LIMCH1: variants seen among roughly 807,000 people sequenced by gnomAD.
The protein encoded by LIMCH1 is LIM and calponin homology domains 1.
A neutral mutation model predicts 176.5 loss-of-function variants in LIMCH1; 113 were observed. That is an observed-to-expected ratio of 0.64 (90% CI 0.55 to 0.75). The LOEUF (loss-of-function observed/expected upper bound fraction) is 0.75, where lower values mean the gene tolerates loss of function less well. Among genes scored for constraint, LIMCH1 ranks in the 30% least tolerant of loss-of-function variants. The pLI, the probability that LIMCH1 is intolerant of heterozygous loss-of-function variation, is 0.00. For missense variants in LIMCH1, 1,674 were observed against 1,814.9 expected, an observed-to-expected ratio of 0.92 and a Z score of 1.41; for synonymous variants, 619 against 645.9, an observed-to-expected ratio of 0.96 and a Z score of 0.63.
intron 2 of LIMCH1, among the ~76,000 whole-genome samples, chr4:41,508,972 A>C (rs1377941968): frequency 6.6e-6 from 1 of 152,212 alleles, no homozygotes; most frequent in Non-Finnish European, 1.5e-5. Context: ...GACCTTGTGT[A>C]ATATAAAGTA....
At chr4:41,641,840 C>T (rs2152914595) in intron 14 of LIMCH1, among the ~76,000 whole-genome samples, 1 of 152,300 alleles carries the variant, frequency 6.6e-6, no homozygotes, top group East Asian at 1.9e-4. Flanking sequence ...GGATGTTCAA[C>T]CATGTACTTC....
At chr4:41,471,985 C>G in intron 1 of LIMCH1, among the ~76,000 whole-genome samples, 1 of 152,106 alleles carries the variant, frequency 6.6e-6, no homozygotes, top group East Asian at 1.9e-4. Context: ...CTTTCCTTAA[C>G]TTTTCTGTAA....
intron 2 of LIMCH1, among the ~76,000 whole-genome samples, chr4:41,523,042 A>G (rs993954790): frequency 6.6e-6 from 1 of 152,164 alleles, no homozygotes; most frequent in African/African-American, 2.4e-5. Flanking sequence ...TTAATCTTGC[A>G]TGCAAAAATG....
At chr4:41,691,707 G>T (rs1015204084) in intron 30 of LIMCH1, among the ~76,000 whole-genome samples, 2 of 152,038 alleles carry the variant, frequency 1.3e-5, no homozygotes, top group Non-Finnish European at 2.9e-5. Flanking sequence ...AGGTTGCAGT[G>T]AGCTGAGATC....
At chr4:41,657,703 A>G (rs992661376) in intron 18 of LIMCH1, among the ~76,000 whole-genome samples, 13 of 152,198 alleles carry the variant, frequency 8.5e-5, no homozygotes, top group Admixed American at 6.5e-4. Context: ...ATACATTTAA[A>G]CTAAGCCTGA....
chr4:41,508,394 T>C (rs2074433310), intron 2 of LIMCH1, among the ~76,000 whole-genome samples: 1 of 152,022 alleles, frequency 6.6e-6, no homozygotes. Context: ...GAGGTCATGG[T>C]TTTAGTTTGG....
chr4:41,581,828 A>AAC (rs1458956768), intron 1 of LIMCH1, among the ~76,000 whole-genome samples: 2 of 150,468 alleles, frequency 1.3e-5, no homozygotes, highest in African/African-American at 4.9e-5. Flanking sequence ...AAAAAAAAAA[A>AAC]AACAACAGCA....
In LIMCH1 at chr4:41,366,995, A is replaced by G. The variant is rs184011511; in HGVS notation, c.96+6059A>G. On this transcript the variant is annotated intron_variant, in intron 1 of 26. Transcript: ENST00000313860. ...GCAAAGGGGAAGCAAGACAGGTCTC[A>G]TATGGTGGCAGGAGAGAGAGAGCAA... Among the ~76,000 whole-genome samples the G allele has an allele frequency of 2.6e-3, 395 of 152,328 alleles. 6 individuals are homozygous for G. Among genetic ancestry groups the G allele is most frequent in the African/African-American group, 8.0e-3 (333 of 41,574 alleles).
chr4:41,618,365 G>T lies in LIMCH1; in HGVS notation c.206-823G>T, dbSNP rs191458783. On this transcript the variant is annotated intron_variant, in intron 5 of 31. Transcript: ENST00000503057. ...CCAACAAATGGCTGATGTTGGGAATGCTGAATTCCTTTGTGTTGTTTAAAA... is the reference window on the plus strand; with the variant it reads ...CCAACAAATGGCTGATGTTGGGAATTCTGAATTCCTTTGTGTTGTTTAAAA... Among the ~76,000 whole-genome samples, 36 of 152,322 alleles carry T rather than the reference G, an allele frequency of 2.4e-4. No homozygotes were observed. In the East Asian group the frequency reaches 6.2e-3, roughly 26 times the overall value.
At chr4:41,407,167 G>T (rs1046530344) in intron 1 of LIMCH1, among the ~76,000 whole-genome samples, 1 of 151,634 alleles carries the variant, frequency 6.6e-6, no homozygotes, top group Non-Finnish European at 1.5e-5. Flanking sequence ...TTTGTTCTTG[G>T]GATATAGGTA....
intron 3 of LIMCH1, among the ~76,000 whole-genome samples, chr4:41,525,507 T>C (rs561548996): frequency 7.2e-5 from 11 of 152,298 alleles, no homozygotes; most frequent in Admixed American, 2.6e-4. Flanking sequence ...GGAAGGTACA[T>C]GGTTTCAGCA....
intron 1 of LIMCH1, among the ~76,000 whole-genome samples, chr4:41,422,778 T>C (rs2060726404): frequency 6.6e-6 from 1 of 152,072 alleles, no homozygotes; most frequent in African/African-American, 2.4e-5. Flanking sequence ...TTTTCTTTGA[T>C]AAAGGGTCTT....
chr4:41,627,161 G>A (rs1313952208), intron 8 of LIMCH1, among the ~76,000 whole-genome samples, 151 bp downstream of exon 8: 3 of 151,970 alleles, frequency 2.0e-5, no homozygotes, highest in Non-Finnish European at 4.4e-5. Flanking sequence ...CTTTGTAATG[G>A]GGGTTTATTT....
At chr4:41,668,543 AT>A (rs919875207) in intron 21 of LIMCH1, among the ~76,000 whole-genome samples, 3 of 152,342 alleles carry the variant, frequency 2.0e-5, no homozygotes, top group African/African-American at 7.2e-5. Flanking sequence ...AGGCATTTTG[AT>A]TTTGTAAAAT....
chr4:41,470,527 A>G (rs2066796012), intron 1 of LIMCH1, among the ~76,000 whole-genome samples: 2 of 152,114 alleles, frequency 1.3e-5, no homozygotes, highest in Admixed American at 6.5e-5. Context: ...CTACTCATTC[A>G]GAGAGTTGAC....
chr4:41,433,847 G>T (rs894495457), intron 1 of LIMCH1, among the ~76,000 whole-genome samples: 3 of 152,120 alleles, frequency 2.0e-5, no homozygotes, highest in African/African-American at 7.2e-5. Flanking sequence ...TGGAAGGGTG[G>T]AGTGGCATGT....
intron 1 of LIMCH1, among the ~76,000 whole-genome samples, chr4:41,466,633 G>A (rs1195414409): frequency 2.0e-5 from 3 of 152,142 alleles, no homozygotes; most frequent in South Asian, 2.1e-4. Flanking sequence ...CTGCCCTAAA[G>A]CTATCTCTAA....
intron 4 of LIMCH1, among the ~76,000 whole-genome samples, chr4:41,610,884 T>G (rs1278022957): frequency 6.6e-6 from 1 of 152,198 alleles, no homozygotes; most frequent in African/African-American, 2.4e-5. Flanking sequence ...CCTAGAAAAT[T>G]AAAATTCAAG....
At chr4:41,681,948 A>G (rs1414258938) in intron 25 of LIMCH1, among the ~76,000 whole-genome samples, 1 of 152,246 alleles carries the variant, frequency 6.6e-6, no homozygotes, top group Admixed American at 6.5e-5. Context: ...GTCTGCCTCC[A>G]CATTCCCCAA....
Sources: gnomAD v4.1 joint callset for allele counts (sites outside exome capture counted in the v4.1 genomes callset) on GRCh38, gnomAD v4.1.1 for gene constraint, MANE v1.5 for transcripts, NCBI Gene and HGNC (gene_info 2026-07-23, HGNC 2026-07-21) for gene names.